The following MTCH2 variants were observed in gnomAD, a reference collection of about 807,000 sequenced individuals.
MTCH2 encodes the protein mitochondrial carrier homolog 2.
Under a neutral mutation model 50.6 loss-of-function variants are expected in MTCH2, and 25 were observed. The ratio of observed to expected loss-of-function variants is 0.49; its 90% confidence interval spans 0.36 to 0.69. The LOEUF is 0.69. Among genes scored for constraint, MTCH2 ranks in the 30% least tolerant of loss-of-function variants. The probability of loss-of-function intolerance (pLI) is 0.00; values close to 1 mark genes in which losing one functional copy is unlikely to be tolerated. For synonymous variants in MTCH2, 106 were observed against 132.0 expected, an observed-to-expected ratio of 0.80 and a Z score of 1.35; for missense variants, 273 against 384.4, an observed-to-expected ratio of 0.71 and a Z score of 2.42.
chr11:47,604,929 TG>T, the MTCH2 span, among the ~76,000 whole-genome samples: 150 of 151,868 alleles, frequency 9.9e-4, 1 homozygote, highest in Admixed American at 4.0e-3. Flanking sequence ...TTTTCTTTTT[TG>T]TTTTTTTTGT....
intron 5 of MTCH2, among the ~76,000 whole-genome samples, chr11:47,634,160 C>G (rs1169813212): frequency 2.0e-5 from 3 of 152,176 alleles, no homozygotes; most frequent in African/African-American, 7.2e-5. Flanking sequence ...ACTGCAGCCT[C>G]AACTTCCTGG....
chr11:47,631,847 GA>G (rs1309242829), intron 5 of MTCH2, 136 bp from the exon 6 acceptor site: 17 of 780,824 alleles, frequency 2.2e-5, no homozygotes, highest in Non-Finnish European at 6.4e-6. Context: ...CTGGAGTCAA[GA>G]AGAGTTTGAA....
At chr11:47,636,308 C>T (rs577278474) in intron 3 of MTCH2, among the ~76,000 whole-genome samples, 3 of 152,108 alleles carry the variant, frequency 2.0e-5, no homozygotes, top group African/African-American at 7.2e-5. Flanking sequence ...GTGGCGGGCG[C>T]CTGTAATCCC....
At chr11:47,637,769 C>T (rs553768929) in intron 3 of MTCH2, among the ~76,000 whole-genome samples, 3 of 152,194 alleles carry the variant, frequency 2.0e-5, no homozygotes, top group South Asian at 4.1e-4. Flanking sequence ...AAAAAAATCA[C>T]GGGCAAGAGA....
chr11:47,604,830 C>A, the MTCH2 span, among the ~76,000 whole-genome samples: 1 of 152,172 alleles, frequency 6.6e-6, no homozygotes, highest in South Asian at 2.1e-4. Context: ...AAAAAGCATG[C>A]ATTTGCTTAT....
At chr11:47,626,345 T>C (rs1236385314) in intron 10 of MTCH2, among the ~76,000 whole-genome samples, 3 of 151,594 alleles carry the variant, frequency 2.0e-5, no homozygotes, top group Non-Finnish European at 4.4e-5. Context: ...TTTTTTTTTT[T>C]TTCACTTTTG....
downstream of MTCH2, among the ~76,000 whole-genome samples, chr11:47,614,165 A>G (rs1432436164): frequency 6.6e-6 from 1 of 152,154 alleles, no homozygotes; most frequent in Non-Finnish European, 1.5e-5. Flanking sequence ...AAGAATAAAA[A>G]TGCCTCGACT....
intron 12 of MTCH2, 129 bp downstream of exon 12, chr11:47,622,572 G>T: frequency 2.9e-6 from 2 of 686,994 alleles, no homozygotes; most frequent in Non-Finnish European, 4.9e-6. Flanking sequence ...ACATTAACTG[G>T]CAGACTAGAC....
intron 4 of MTCH2, among the ~76,000 whole-genome samples, chr11:47,634,992 C>G (rs964838630): frequency 1.3e-5 from 2 of 151,944 alleles, no homozygotes; most frequent in East Asian, 3.9e-4. Context: ...AGGATGGTCT[C>G]GATTTCCTGA....
chr11:47,623,924 T>C (rs1445644787), intron 11 of MTCH2, among the ~76,000 whole-genome samples: 2 of 152,086 alleles, frequency 1.3e-5, no homozygotes, highest in Non-Finnish European at 2.9e-5. Context: ...TGGTGGCAAG[T>C]GCCTATAATC....
chr11:47,617,961 T>C lies in MTCH2; in HGVS notation c.*872A>G, dbSNP rs1024692733. The C allele has an allele frequency of 1.3e-5, 2 of 152,150 alleles. No homozygotes were observed. The highest frequency in any genetic ancestry group is 4.8e-5 in the African/African-American group (2 of 41,436). 9.4% of individuals were successfully genotyped at this position (152,150 alleles called of 1,614,324 possible). On this transcript the variant is annotated 3_prime_UTR_variant, in exon 13 of 13. Coordinates refer to ENST00000302503, the MANE Select transcript of MTCH2 (RefSeq NM_014342.4). ...AAAAACTGAAGAACAAAAGATTATATATAATTAGAACTGTATGGTGTAATT... is the reference window on the plus strand; with the variant it reads ...AAAAACTGAAGAACAAAAGATTATACATAATTAGAACTGTATGGTGTAATT...
At chr11:47,635,985 G>A (rs2097308201) in intron 3 of MTCH2, among the ~76,000 whole-genome samples, 1 of 151,962 alleles carries the variant, frequency 6.6e-6, no homozygotes, top group South Asian at 2.1e-4. Flanking sequence ...AAAATTAGCG[G>A]AGCATTGGGG....
At chr11:47,625,880 C>G (rs1014704207) in intron 10 of MTCH2, 139 bp from the exon 11 acceptor site, 4 of 582,326 alleles carry the variant, frequency 6.9e-6, no homozygotes, top group African/African-American at 3.8e-5. Context: ...GGAAAGACAA[C>G]AGTTACAGTT....
the MTCH2 span, among the ~76,000 whole-genome samples, chr11:47,607,358 A>G: frequency 2.6e-5 from 4 of 152,290 alleles, no homozygotes; most frequent in African/African-American, 4.8e-5. Flanking sequence ...TCTTTTGGAC[A>G]GGGTGTAATG....
At chr11:47,608,978 A>AAAAAG in the MTCH2 span, among the ~76,000 whole-genome samples, 1 of 108,230 alleles carries the variant, frequency 9.2e-6, no homozygotes, top group African/African-American at 3.5e-5. Flanking sequence ...AAAAAAAAAA[A>AAAAAG]GTAGGGTGTG....
In MTCH2 at chr11:47,618,791, C is replaced by T; in HGVS notation, c.*42G>A. 1 of 1,528,226 alleles carries T rather than the reference C, an allele frequency of 6.5e-7. No homozygotes were observed. 94.7% of individuals were successfully genotyped at this position (1,528,226 alleles called of 1,614,324 possible). On this transcript the variant is annotated 3_prime_UTR_variant, in exon 13 of 13. Transcript: ENST00000302503. Reference sequence around the variant, plus strand: ...CAACATTCTCTCCCATAATTCTGTGCATCTGGGACTACAGAAATGTCACTG... The same window carrying T: ...CAACATTCTCTCCCATAATTCTGTGTATCTGGGACTACAGAAATGTCACTG...
rs576150944 is a variant in MTCH2, at chr11:47,624,826, G to A, written c.749+848C>T. 1.5e-3 allele frequency among the ~76,000 whole-genome samples: 225 copies of A among 152,258 alleles called. 1 individual carries two copies. Among genetic ancestry groups the A allele is most frequent in the African/African-American group, 5.2e-3 (214 of 41,540 alleles). On this transcript the variant is annotated intron_variant, in intron 11 of 12. Coordinates refer to ENST00000302503, the MANE Select transcript of MTCH2 (RefSeq NM_014342.4). ...AAATAGGCCAGGTGCAGTGGCTCAC[G>A]CCTTTAATTCCAGCGCTTTGGAAGT...
downstream of MTCH2, among the ~76,000 whole-genome samples, chr11:47,613,799 T>A (rs1480451538): frequency 2.0e-5 from 3 of 152,090 alleles, no homozygotes; most frequent in Non-Finnish European, 4.4e-5. Flanking sequence ...TACATAACAT[T>A]TGGTTTGGCT....
At chr11:47,623,499 T>G (rs547083651) in intron 11 of MTCH2, among the ~76,000 whole-genome samples, 7 of 150,990 alleles carry the variant, frequency 4.6e-5, no homozygotes, top group Admixed American at 2.0e-4. Flanking sequence ...TTAGGTATAA[T>G]CACTTCATCT....
Sources: gnomAD v4.1 joint callset for allele counts (sites outside exome capture counted in the v4.1 genomes callset) on GRCh38, gnomAD v4.1.1 for gene constraint, MANE v1.5 for transcripts, NCBI Gene and HGNC (gene_info 2026-07-23, HGNC 2026-07-21) for gene names.